The following RIMBP2 variants were observed in gnomAD, a reference collection of about 807,000 sequenced individuals.
RIMBP2 encodes RIMS-binding protein 2.
RIMBP2 carries 48 observed loss-of-function variants against 118.6 expected under a neutral mutation model. The ratio of observed to expected loss-of-function variants is 0.40; its 90% CI spans 0.32 to 0.51. The LOEUF (loss-of-function observed/expected upper bound fraction) is 0.51. RIMBP2 is among the 20% of genes least tolerant of loss of function. RIMBP2 has a pLI of 0.41. For missense variants in RIMBP2, 1,551 were observed against 1,768.3 expected (o/e 0.88, Z 2.20); for synonymous variants, 762 against 742.9 (o/e 1.03, Z -0.42).
intron 4 of RIMBP2, among the ~76,000 whole-genome samples, chr12:130,500,129 T>C (rs2049598421): frequency 6.6e-6 from 1 of 152,180 alleles, no homozygotes; most frequent in African/African-American, 2.4e-5. Context: ...GAAAATTACT[T>C]GGCAGCCCCC....
chr12:130,672,477 C>T (rs747089760), intron 1 of RIMBP2, among the ~76,000 whole-genome samples: 9 of 152,220 alleles, frequency 5.9e-5, no homozygotes, highest in Non-Finnish European at 1.3e-4. Context: ...CCAAGTGCTT[C>T]CAAATCCACT....
intron 4 of RIMBP2, among the ~76,000 whole-genome samples, chr12:130,497,891 TG>T (rs1267752055): frequency 6.6e-6 from 1 of 152,014 alleles, no homozygotes; most frequent in Non-Finnish European, 1.5e-5. Context: ...GAGTGCGCGG[TG>T]GGGAGATCCT....
At chr12:130,483,614 G>A (rs1200343073) in intron 4 of RIMBP2, among the ~76,000 whole-genome samples, 1 of 146,672 alleles carries the variant, frequency 6.8e-6, no homozygotes, top group Non-Finnish European at 1.5e-5. Flanking sequence ...TGGAAGGCGG[G>A]ATACACAGTG....
chr12:130,450,625 T>G lies in RIMBP2; in HGVS notation c.505-349A>C, dbSNP rs78595876. Among the ~76,000 whole-genome samples, 2,235 of 144,126 alleles carry G rather than the reference T, an allele frequency of 0.016. 53 individuals are homozygous for G. The highest frequency in any genetic ancestry group is 0.054 in the African/African-American group (2,118 of 39,064). 94.6% of individuals were successfully genotyped at this position (144,126 alleles called of 152,430 possible). The stretch of plus-strand genomic sequence containing the variant: ...TAGGGGTGGGGGTAAAATTAAGCAG[T>G]ATGTGCACGACCCCCCAGTGATCCC... On this transcript the variant is annotated intron_variant, in intron 8 of 22. Coordinates refer to ENST00000690449, the MANE Select transcript of RIMBP2 (RefSeq NM_001393629.1). This position sits in a 1 kb window ranked among gnomAD's most constrained non-coding sequence, Gnocchi z 4.8.
chr12:130,439,644 T>TG (rs1423302485), intron 11 of RIMBP2, among the ~76,000 whole-genome samples: 2 of 51,002 alleles, frequency 3.9e-5, no homozygotes, highest in Non-Finnish European at 8.0e-5. Context: ...TGTGGGTGTG[T>TG]GTGGGGGGGA....
chr12:130,525,871 T>TAG lies in RIMBP2; in HGVS notation c.-216-7955_-216-7954insCT, dbSNP rs1213881586. ...GCAGACATTCTTGCTATCCTGCTTG[T>TAG]CAAGGGAAGAAATTCAAGCTCAAGG... On this transcript the variant is annotated intron_variant, in intron 2 of 22. Transcript: ENST00000690449. This position sits in a 1 kb window ranked among gnomAD's most constrained non-coding sequence, Gnocchi z 4.4. 1.6e-4 allele frequency among the ~76,000 whole-genome samples: 25 copies of TAG among 152,074 alleles called. No individual in the cohort carries two copies. The highest frequency in any genetic ancestry group is 2.8e-4 in the Non-Finnish European group (19 of 68,024).
intron 2 of RIMBP2, among the ~76,000 whole-genome samples, chr12:130,583,545 TCATCACCACGAC>T (rs2058616131): frequency 6.6e-6 from 1 of 151,270 alleles, no homozygotes; most frequent in Non-Finnish European, 1.5e-5. Context: ...CATTACATCA[TCATCACCACGAC>T]CATCACCACC....
chr12:130,523,670 A>G lies in RIMBP2; in HGVS notation c.-216-5753T>C, dbSNP rs1241188512. 1.3e-5 allele frequency among the ~76,000 whole-genome samples: 2 copies of G among 152,204 alleles called. No individual in the cohort carries two copies. The highest frequency in any genetic ancestry group is 3.9e-4 in the East Asian group (2 of 5,184). On this transcript the variant is annotated intron_variant, in intron 2 of 22. Coordinates refer to ENST00000690449, the MANE Select transcript of RIMBP2 (RefSeq NM_001393629.1). The surrounding 1 kb of genome is among the most constrained non-coding windows in gnomAD (Gnocchi z 4.4). Reference sequence around the variant, plus strand: ...TAAACTTGTCAATTTTATTCATTTCAATAATCCCTCCACCACCACCACTGA... The same window carrying G: ...TAAACTTGTCAATTTTATTCATTTCGATAATCCCTCCACCACCACCACTGA...
At chr12:130,521,869 C>T (rs2052163889) in intron 2 of RIMBP2, among the ~76,000 whole-genome samples, 1 of 152,212 alleles carries the variant, frequency 6.6e-6, no homozygotes, top group Non-Finnish European at 1.5e-5. Flanking sequence ...GCAATGGAAT[C>T]GTTTCAGTCT....
chr12:130,554,506 C>T (rs1271213651), intron 2 of RIMBP2, among the ~76,000 whole-genome samples: 1 of 152,206 alleles, frequency 6.6e-6, no homozygotes, highest in Non-Finnish European at 1.5e-5. Flanking sequence ...ACCCTACTAA[C>T]ATCACCCTCA....
At chr12:130,676,857 C>T (rs1360963687) in intron 1 of RIMBP2, among the ~76,000 whole-genome samples, 2 of 152,004 alleles carry the variant, frequency 1.3e-5, no homozygotes, top group African/African-American at 4.8e-5. Flanking sequence ...CTGCTGGGGT[C>T]AGGGTGAGGG....
At position 130,436,902 on chromosome 12, in the gene RIMBP2, G is replaced by A; in HGVS notation, c.2046C>T (p.Ser682=). 6.3e-7 allele frequency: 1 copy of A among 1,596,240 alleles called. No individual in the cohort carries two copies. Among genetic ancestry groups the A allele is most frequent in the Non-Finnish European group, 8.5e-7 (1 of 1,172,828 alleles). The change falls in exon 13 of 23, where the codon TCC becomes TCT. Residue 682 remains serine, a synonymous_variant. Transcript: ENST00000690449. The part of the protein sequence containing the change: ...ILPQPQGTPV[S]TTVAKAMARE... The stretch of plus-strand genomic sequence containing the variant: ...GGGCCATGGCCTTGGCGACGGTGGT[G>A]GACACCGGGGTGCCCTGTGGCTGTG...
intron 2 of RIMBP2, among the ~76,000 whole-genome samples, chr12:130,598,172 A>G (rs2059662514): frequency 6.6e-6 from 1 of 152,278 alleles, no homozygotes. Flanking sequence ...GGCACACTTG[A>G]CAAAAGATAT....
intron 1 of RIMBP2, among the ~76,000 whole-genome samples, chr12:130,649,399 T>A (rs1312416302): frequency 6.6e-6 from 1 of 152,180 alleles, no homozygotes; most frequent in Non-Finnish European, 1.5e-5. Context: ...GGCCTCCGCA[T>A]CCAGCCAGTG....
chr12:130,640,373 C>A (rs1430321164), intron 1 of RIMBP2, among the ~76,000 whole-genome samples: 3 of 152,258 alleles, frequency 2.0e-5, no homozygotes, highest in Admixed American at 2.0e-4. Flanking sequence ...AACCTTCCAT[C>A]ACAGATTAAG....
In RIMBP2 at chr12:130,450,848, G is replaced by T. The variant is rs563843792; in HGVS notation, c.504+347C>A. The stretch of plus-strand genomic sequence containing the variant: ...CCATCAATGCCACAGGACAGGACGC[G>T]CAGGGCCCTCCCCAACCTCCACAGG... On this transcript the variant is annotated intron_variant, in intron 8 of 22. Coordinates refer to ENST00000690449, the MANE Select transcript of RIMBP2 (RefSeq NM_001393629.1). This position sits in a 1 kb window ranked among gnomAD's most constrained non-coding sequence, Gnocchi z 4.8. Among the ~76,000 whole-genome samples the T allele has an allele frequency of 2.0e-5, 3 of 151,872 alleles. No individual in the cohort carries two copies. The highest frequency in any genetic ancestry group is 4.4e-5 in the Non-Finnish European group (3 of 68,014).
intron 2 of RIMBP2, among the ~76,000 whole-genome samples, chr12:130,614,659 G>C (rs1314878544): frequency 1.3e-5 from 2 of 151,964 alleles, no homozygotes; most frequent in Non-Finnish European, 2.9e-5. Context: ...ACGGGGCAAA[G>C]AAAAAAGGGG....
In RIMBP2 at chr12:130,399,813, C is replaced by G; in HGVS notation, c.3766G>C (p.Gly1256Arg). ...AGGCCTTTCTGCCCATTCAGCTCCC[C>G]CTAAAACACCAGGGGTGAGGCAGAA... ...GEIDEDGFYYGELNGQKGLVP... is the reference protein window; with the variant it reads ...GEIDEDGFYYRELNGQKGLVP... Residue 1256 changes from glycine to arginine, a missense_variant and splice_region_variant, in exon 22 of 23, where the codon GGG becomes CGG. Physicochemically the swap from Gly to Arg is moderately radical, Grantham distance 125. Coordinates refer to ENST00000690449, the MANE Select transcript of RIMBP2 (RefSeq NM_001393629.1). 1 of 1,614,086 alleles carries G rather than the reference C, an allele frequency of 6.2e-7. No individual in the cohort carries two copies. Among genetic ancestry groups the G allele is most frequent in the Non-Finnish European group, 8.5e-7 (1 of 1,179,992 alleles).
chr12:130,596,911 C>T (rs2059595284), intron 2 of RIMBP2, among the ~76,000 whole-genome samples: 1 of 152,204 alleles, frequency 6.6e-6, no homozygotes, highest in Non-Finnish European at 1.5e-5. Flanking sequence ...AAATAGATAA[C>T]TTGAGTGGCT....
Sources: gnomAD v4.1 joint callset for allele counts (sites outside exome capture counted in the v4.1 genomes callset) on GRCh38, gnomAD v4.1.1 for gene constraint, Gnocchi (gnomAD v3.1) non-coding constraint, MANE v1.5 for transcripts, NCBI Gene and HGNC (gene_info 2026-07-23, HGNC 2026-07-21) for gene names.